Variants in CPPED1 observed in about 807,000 individuals in gnomAD.
The protein encoded by CPPED1 is serine/threonine-protein phosphatase CPPED1.
A neutral mutation model predicts 28.0 loss-of-function variants in CPPED1; 28 were observed. That is an observed-to-expected ratio of 1.00 (90% CI 0.74 to 1.37). The LOEUF (loss-of-function observed/expected upper bound fraction) is 1.37. CPPED1 is among the 40% of genes most tolerant of loss of function. CPPED1 has a pLI of 0.00. For synonymous variants in CPPED1, 198 were observed against 180.2 expected, an observed-to-expected ratio of 1.10 and a Z score of -0.79; for missense variants, 504 against 416.5, an observed-to-expected ratio of 1.21 and a Z score of -1.83.
chr16:12,721,069 C>T (rs915946116), intron 2 of CPPED1, among the ~76,000 whole-genome samples: 3 of 152,126 alleles, frequency 2.0e-5, no homozygotes, highest in African/African-American at 7.2e-5. Context: ...TACAATTTAT[C>T]GTTTACTGGG....
chr16:12,711,058 C>T (rs1433099814), intron 2 of CPPED1, among the ~76,000 whole-genome samples: 7 of 152,278 alleles, frequency 4.6e-5, no homozygotes, highest in African/African-American at 1.4e-4. Context: ...GCATTATTCA[C>T]AATAGCTTAA....
intron 3 of CPPED1, among the ~76,000 whole-genome samples, chr16:12,693,434 G>A (rs1226978133): frequency 6.6e-6 from 1 of 152,074 alleles, no homozygotes; most frequent in Non-Finnish European, 1.5e-5. Flanking sequence ...GGGCTCAAGC[G>A]ACCCGCCCAC....
rs202086201 is a variant in CPPED1, at chr16:12,705,045, C to A, written c.294G>T (p.Lys98Asn). Residue 98 changes from lysine to asparagine, a missense_variant, in exon 3 of 4, where the codon AAG becomes AAT. Transcript: ENST00000381774. Reference sequence around the variant, plus strand: ...CCTCCGTCTGCTCCGTCCGCCACGGCTTCCCTGGAAGAGTGAGGGTCACGT... The same window carrying A: ...CCTCCGTCTGCTCCGTCCGCCACGGATTCCCTGGAAGAGTGAGGGTCACGT... ...CGDLIHAMPG[K>N]PWRTEQTEDL... 1.8e-3 allele frequency: 2,894 copies of A among 1,605,834 alleles called. 14 individuals carry two copies. Among genetic ancestry groups the A allele is most frequent in the South Asian group, 4.9e-3 (446 of 90,412 alleles).
chr16:12,745,211 G>A (rs1344487252), intron 2 of CPPED1, among the ~76,000 whole-genome samples: 6 of 151,854 alleles, frequency 4.0e-5, no homozygotes, highest in African/African-American at 7.3e-5. Flanking sequence ...GAAGAAAGGC[G>A]GGCTGAAATC....
chr16:12,794,862 G>A (rs947383643), intron 1 of CPPED1, among the ~76,000 whole-genome samples: 2 of 152,174 alleles, frequency 1.3e-5, no homozygotes, highest in Non-Finnish European at 2.9e-5. Flanking sequence ...CACAATGGCC[G>A]TCCTTCCAAA....
chr16:12,748,151 A>C (rs1300162751), intron 2 of CPPED1, among the ~76,000 whole-genome samples: 1 of 152,218 alleles, frequency 6.6e-6, no homozygotes. Flanking sequence ...CACAGTAACA[A>C]AGGAGAAAGC....
Position 12,704,879 on chromosome 16 carries a change from A to C in CPPED1, c.460T>G (p.Trp154Gly). The C allele has an allele frequency of 1.9e-6, 3 of 1,614,204 alleles. No individual in the cohort carries two copies. The highest frequency in any genetic ancestry group is 2.5e-6 in the Non-Finnish European group (3 of 1,180,026). The change falls in exon 3 of 4, where the codon TGG (tryptophan) becomes GGG (glycine). Residue 154 changes from tryptophan (W) to glycine (G), a missense_variant. Trp to Gly is a radical substitution (Grantham distance 184). Coordinates refer to ENST00000381774, the MANE Select transcript of CPPED1 (RefSeq NM_018340.3). ...RTWGDDYFSFWVGGVLFLVLN... is the reference protein window; with the variant it reads ...RTWGDDYFSFGVGGVLFLVLN... ...ACCAGGAACAGGACGCCCCCGACCC[A>C]GAAGCTGAAGTAGTCATCTCCCCAA...
At chr16:12,747,080 AAAG>A (rs562510477) in intron 2 of CPPED1, among the ~76,000 whole-genome samples, 15 of 152,178 alleles carry the variant, frequency 9.9e-5, no homozygotes, top group Admixed American at 8.5e-4. Context: ...TTAAAAAAAA[AAAG>A]AAGAAGAATG....
At chr16:12,768,586 G>C (rs547838216) in intron 2 of CPPED1, among the ~76,000 whole-genome samples, 98 of 152,326 alleles carry the variant, frequency 6.4e-4, no homozygotes, top group Non-Finnish European at 1.3e-3. Context: ...CAAAGAACAA[G>C]AGTATGTGCG....
At chr16:12,755,947 C>T (rs1003567205) in intron 2 of CPPED1, among the ~76,000 whole-genome samples, 2 of 152,050 alleles carry the variant, frequency 1.3e-5, no homozygotes, top group African/African-American at 2.4e-5. Context: ...CTGGCTAACA[C>T]GGTGAAAACC....
chr16:12,704,777 G>C lies in CPPED1; in HGVS notation c.562C>G (p.Gln188Glu). The C allele has an allele frequency of 6.2e-7, 1 of 1,614,224 alleles. No homozygotes were observed. Among genetic ancestry groups the C allele is most frequent in the Non-Finnish European group, 8.5e-7 (1 of 1,180,038 alleles). ...TGCCGCTGCCTCGCGATGCTCAGCT[G>C]CTCGTCCAGCCACTGGTCCTGAGCC... Reference protein sequence around the residue: ...KQAQDQWLDEQLSIARQRHCQ... With the variant: ...KQAQDQWLDEELSIARQRHCQ... The change falls in exon 3 of 4, where the codon CAG becomes GAG. Residue 188 changes from glutamine to glutamate, a missense_variant. By Grantham distance (29) the Gln-to-Glu change is conservative (BLOSUM62 2). Coordinates refer to ENST00000381774, the MANE Select transcript of CPPED1 (RefSeq NM_018340.3).
At chr16:12,737,054 A>T (rs767739287) in intron 2 of CPPED1, among the ~76,000 whole-genome samples, 11 of 152,012 alleles carry the variant, frequency 7.2e-5, no homozygotes, top group Non-Finnish European at 1.6e-4. Flanking sequence ...GCTGGGTGCG[A>T]TGGCGCACAC....
chr16:12,712,425 T>C (rs2080084864), intron 2 of CPPED1, among the ~76,000 whole-genome samples: 1 of 152,214 alleles, frequency 6.6e-6, no homozygotes, highest in South Asian at 2.1e-4. Context: ...TTCATGATAT[T>C]GAGTGAGCCA....
intron 3 of CPPED1, among the ~76,000 whole-genome samples, chr16:12,681,463 C>A (rs983013544): frequency 2.6e-5 from 4 of 152,136 alleles, no homozygotes; most frequent in African/African-American, 9.7e-5. Context: ...TATAAATTAC[C>A]CAGGCTCAGG....
At chr16:12,701,184 A>T (rs2080018508) in intron 3 of CPPED1, among the ~76,000 whole-genome samples, 1 of 151,944 alleles carries the variant, frequency 6.6e-6, no homozygotes, top group Non-Finnish European at 1.5e-5. Flanking sequence ...AGCTATGATC[A>T]CATCACTGCA....
chr16:12,680,022 G>A (rs901287718), intron 3 of CPPED1, among the ~76,000 whole-genome samples: 2 of 152,116 alleles, frequency 1.3e-5, no homozygotes, highest in Admixed American at 6.5e-5. Flanking sequence ...GAGATTACCT[G>A]GGAGACTTTA....
intron 2 of CPPED1, among the ~76,000 whole-genome samples, chr16:12,757,234 T>C (rs570711037): frequency 6.6e-6 from 1 of 152,280 alleles, no homozygotes; most frequent in Admixed American, 6.5e-5. Context: ...TCCCAGGATG[T>C]GGGACTTTTC....
rs937069962 is a variant in CPPED1 at position 12,663,383 on chromosome 16, A to G, written c.*1503T>C. ...GCCCAATGTGTGGTTGTTATTAGCT[A>G]TGCCCTTTACCGAACTCCTTTTCTT... On this transcript the variant is annotated 3_prime_UTR_variant, in exon 4 of 4. Transcript: ENST00000381774. 2.6e-5 allele frequency: 4 copies of G among 152,206 alleles called. No individual in the cohort carries two copies. The highest frequency in any genetic ancestry group is 2.0e-4 in the Admixed American group (3 of 15,278). The allele number at this position is 152,206 out of a possible 1,614,324, so 9.4% of individuals were successfully genotyped here.
At chr16:12,776,918 C>CAAA (rs1043605027) in intron 2 of CPPED1, among the ~76,000 whole-genome samples, 1 of 150,878 alleles carries the variant, frequency 6.6e-6, no homozygotes, top group African/African-American at 2.4e-5. Context: ...GACTCCATCT[C>CAAA]AAAAAAAAAG....
Sources: allele counts gnomAD v4.1 joint callset (sites outside exome capture counted in the v4.1 genomes callset), GRCh38; gene constraint gnomAD v4.1.1; transcripts MANE v1.5; gene names NCBI Gene and HGNC (gene_info 2026-07-23, HGNC 2026-07-21).